The following KCNIP4 variants were observed in gnomAD, a reference collection of about 807,000 sequenced individuals.
KCNIP4 encodes potassium voltage-gated channel interacting protein 4, also known as Kv channel-interacting protein 4.
A neutral mutation model predicts 34.0 loss-of-function variants in KCNIP4; 12 were observed. That is an observed-to-expected ratio of 0.35 (90% confidence interval 0.23 to 0.57). KCNIP4 has a LOEUF of 0.57. KCNIP4 is among the 20% of genes least tolerant of loss of function. The probability of loss-of-function intolerance (pLI) is 0.83; values close to 1 mark genes in which losing one functional copy is unlikely to be tolerated. For missense variants in KCNIP4, 238 were observed against 311.7 expected (o/e 0.76, Z 1.78); for synonymous variants, 124 against 102.2 (o/e 1.21, Z -1.29).
chr4:20,933,893 A>C (rs145105334), intron 1 of KCNIP4, among the ~76,000 whole-genome samples: 76 of 152,282 alleles, frequency 5.0e-4, no homozygotes, highest in African/African-American at 1.7e-3. Context: ...AGTTCCAGCA[A>C]AATGGATGGT....
At chr4:20,803,448 C>T (rs1055543761) in intron 3 of KCNIP4, among the ~76,000 whole-genome samples, 1 of 111,080 alleles carries the variant, frequency 9.0e-6, no homozygotes, top group African/African-American at 3.7e-5. Context: ...GCCTGGGGAA[C>T]ATGGCAAAAC....
rs33926876 is a variant in KCNIP4, at chr4:21,025,473, T to TGAGAGAGA, written c.62-142772_62-142765dup. ...TTATGGTGCATGTAGTGAAAACAAC[T>TGAGAGAGA]GAGAGAGAGAGAGAGAGAGAGAGAG... On this transcript the variant is annotated intron_variant, in intron 1 of 8. Coordinates refer to ENST00000382152, the MANE Select transcript of KCNIP4 (RefSeq NM_025221.6). Among the ~76,000 whole-genome samples the TGAGAGAGA allele has an allele frequency of 2.5e-3, 238 of 95,112 alleles. 2 individuals carry two copies. The highest frequency in any genetic ancestry group is 7.9e-3 in the African/African-American group (189 of 23,890). 62.4% of individuals were successfully genotyped at this position (95,112 alleles called of 152,430 possible).
At chr4:20,752,494 T>C (rs1021552425) in intron 4 of KCNIP4, 1 of 152,248 alleles carries the variant, frequency 6.6e-6, no homozygotes, top group African/African-American at 2.4e-5. Flanking sequence ...TTCAACTACC[T>C]TAAACACATG....
intron 1 of KCNIP4, among the ~76,000 whole-genome samples, chr4:21,723,129 A>G (rs531066009): frequency 1.3e-5 from 2 of 152,222 alleles, no homozygotes; most frequent in African/African-American, 4.8e-5. Flanking sequence ...CCCCAATCCT[A>G]TTCATTTTCT....
intron 1 of KCNIP4, among the ~76,000 whole-genome samples, chr4:21,642,625 C>T (rs2323067): frequency 0.29 from 43,519 of 151,846 alleles, 7,909 homozygotes; most frequent in East Asian, 0.9. Context: ...CATGACCTTA[C>T]GCTCTGCTTG....
At chr4:21,065,726 C>CTATATA (rs5856598) in intron 1 of KCNIP4, among the ~76,000 whole-genome samples, 967 of 86,196 alleles carry the variant, frequency 0.011, 13 homozygotes, top group Non-Finnish European at 0.014. Context: ...TATCATTTGT[C>CTATATA]TATATATATA....
chr4:21,635,531 T>G (rs28496267), intron 1 of KCNIP4, among the ~76,000 whole-genome samples: 45,557 of 151,702 alleles, frequency 0.3, 7,325 homozygotes, highest in East Asian at 0.63. Context: ...AAAAAACACA[T>G]GAAAAAATGC....
chr4:20,810,541 CT>C (rs1355368209), intron 3 of KCNIP4, among the ~76,000 whole-genome samples: 8 of 151,974 alleles, frequency 5.3e-5, no homozygotes, highest in Non-Finnish European at 1.2e-4. Flanking sequence ...ATAGTTGGAT[CT>C]GGAATTCTGA....
chr4:20,849,445 C>T (rs192323282), intron 3 of KCNIP4, among the ~76,000 whole-genome samples: 9 of 152,240 alleles, frequency 5.9e-5, no homozygotes, highest in Admixed American at 5.9e-4. Flanking sequence ...GTGTCAACTA[C>T]CGGTATGAAT....
intron 3 of KCNIP4, among the ~76,000 whole-genome samples, chr4:20,789,367 G>A (rs1222364322): frequency 6.6e-6 from 1 of 151,964 alleles, no homozygotes; most frequent in Non-Finnish European, 1.5e-5. Context: ...ACAATGAACA[G>A]CTTCACAGAC....
At chr4:21,131,866 T>C (rs1269340023) in intron 1 of KCNIP4, among the ~76,000 whole-genome samples, 1 of 152,254 alleles carries the variant, frequency 6.6e-6, no homozygotes, top group African/African-American at 2.4e-5. Context: ...TAAAGTGACT[T>C]TGATCTAAAC....
chr4:21,079,941 GA>G (rs1294569365), intron 1 of KCNIP4, among the ~76,000 whole-genome samples: 3 of 151,850 alleles, frequency 2.0e-5, no homozygotes, highest in Non-Finnish European at 4.4e-5. Context: ...TTCTAGAAAA[GA>G]ATGCACATTG....
chr4:21,872,604 A>T (rs1001992718), intron 1 of KCNIP4, among the ~76,000 whole-genome samples: 80 of 152,174 alleles, frequency 5.3e-4, no homozygotes, highest in Non-Finnish European at 9.0e-4. Flanking sequence ...AGGAGATGCA[A>T]AGACCTCCTG....
intron 1 of KCNIP4, among the ~76,000 whole-genome samples, chr4:21,277,069 T>C (rs889900105): frequency 3.3e-5 from 5 of 152,170 alleles, no homozygotes; most frequent in Non-Finnish European, 7.4e-5. Flanking sequence ...AAAATATACA[T>C]ATAGTTAAGC....
At chr4:21,897,017 G>C (rs1055428761) in intron 1 of KCNIP4, among the ~76,000 whole-genome samples, 4 of 151,550 alleles carry the variant, frequency 2.6e-5, no homozygotes, top group Non-Finnish European at 5.9e-5. Flanking sequence ...TTATACCCTG[G>C]CTATAGTGTA....
intron 1 of KCNIP4, among the ~76,000 whole-genome samples, chr4:21,378,438 T>G (rs1242974315): frequency 6.6e-6 from 1 of 152,170 alleles, no homozygotes; most frequent in East Asian, 1.9e-4. Flanking sequence ...TGCTCTCTAT[T>G]TTTAGAGGGT....
intron 1 of KCNIP4, among the ~76,000 whole-genome samples, chr4:21,270,850 G>A (rs1762097481): frequency 6.6e-6 from 1 of 152,032 alleles, no homozygotes; most frequent in African/African-American, 2.4e-5. Flanking sequence ...AGCCAGGAAT[G>A]TGGTGTGCAC....
At chr4:21,928,129 C>CAT (rs1560186540) in intron 1 of KCNIP4, among the ~76,000 whole-genome samples, 2 of 123,092 alleles carry the variant, frequency 1.6e-5, no homozygotes, top group Admixed American at 1.8e-4. Context: ...TATATATATA[C>CAT]ACACACACAC....
chr4:21,387,685 T>C (rs749389439), intron 1 of KCNIP4, among the ~76,000 whole-genome samples: 1 of 152,204 alleles, frequency 6.6e-6, no homozygotes, highest in Admixed American at 6.5e-5. Flanking sequence ...TATAAGGTTT[T>C]GTGGACAGTG....
Sources: allele counts gnomAD v4.1 joint callset (sites outside exome capture counted in the v4.1 genomes callset), GRCh38; gene constraint gnomAD v4.1.1; transcripts MANE v1.5; gene names NCBI Gene and HGNC (gene_info 2026-07-23, HGNC 2026-07-21).